Variants in NFKBIE observed in about 807,000 individuals in gnomAD.
NFKBIE encodes the protein NFKB inhibitor epsilon.
In NFKBIE, 11 loss-of-function variants were observed where a neutral mutation model predicts 31.6. That is an observed-to-expected ratio of 0.35 (90% confidence interval 0.22 to 0.58). The LOEUF is 0.58. NFKBIE is among the 20% of genes least tolerant of loss of function. The pLI is 0.83. For synonymous variants in NFKBIE, 208 were observed against 210.1 expected, an observed-to-expected ratio of 0.99 and a Z score of 0.09; for missense variants, 354 against 465.7, an observed-to-expected ratio of 0.76 and a Z score of 2.21.
At chr6:44,259,914 C>T in intron 5 of NFKBIE, 129 bp downstream of exon 5, 1 of 1,359,978 alleles carries the variant, frequency 7.4e-7, no homozygotes, top group African/African-American at 1.5e-5. Context: ...CAAGTTCCCA[C>T]AGTTGGTCAG....
Position 44,261,521 on chromosome 6 carries a change from C to T in NFKBIE, c.691+105G>A. The T allele has an allele frequency of 8.8e-7, 1 of 1,136,678 alleles. No individual in the cohort carries two copies. The highest frequency in any genetic ancestry group is 2.0e-4 in the Middle Eastern group (1 of 4,984). 70.4% of individuals were successfully genotyped at this position (1,136,678 alleles called of 1,614,324 possible). A position where few individuals can be genotyped will look rare whatever the true frequency, so the allele number is the denominator to read the frequency against. ...CTATGTGCTTACAGTGGGAGGGGCA[C>T]CAATGGACAAGCTGGGACCCTCCCT... On this transcript the variant is annotated intron_variant, in intron 3 of 5. Coordinates refer to ENST00000619360, the MANE Select transcript of NFKBIE (RefSeq NM_004556.3). This position sits in a 1 kb window ranked among gnomAD's most constrained non-coding sequence, Gnocchi z 4.3.
At chr6:44,264,022 G>C (rs933668145) in intron 1 of NFKBIE, among the ~76,000 whole-genome samples, 1 of 152,098 alleles carries the variant, frequency 6.6e-6, no homozygotes, top group Non-Finnish European at 1.5e-5. Context: ...GGGTCCACCA[G>C]CTGTCTTTAT....
chr6:44,261,930 G>A lies in NFKBIE; in HGVS notation c.469-82C>T. ...ACATGCTTGGGCTCAAGAATCACCA[G>A]CTGCCAGCATCTTCTTTGAAAGCAG... is the stretch of plus-strand genomic sequence containing the variant. On this transcript the variant is annotated intron_variant, in intron 2 of 5. Coordinates refer to ENST00000619360, the MANE Select transcript of NFKBIE (RefSeq NM_004556.3). The surrounding 1 kb of genome is among the most constrained non-coding windows in gnomAD (Gnocchi z 4.3). 1 of 1,281,556 alleles carries A rather than the reference G, an allele frequency of 7.8e-7. No homozygotes were observed. Among genetic ancestry groups the A allele is most frequent in the Non-Finnish European group, 1.1e-6 (1 of 919,762 alleles). 79.4% of individuals were successfully genotyped at this position (1,281,556 alleles called of 1,614,324 possible).
In NFKBIE at chr6:44,260,854, CAT is replaced by C. The variant is rs765903214; in HGVS notation, c.692-317_692-316del. Among the ~76,000 whole-genome samples, 1,252 of 60,714 alleles carry C rather than the reference CAT, an allele frequency of 0.021. 13 individuals are homozygous for C. Among genetic ancestry groups the C allele is most frequent in the South Asian group, 0.044 (69 of 1,572 alleles). The allele number at this position is 60,714 out of a possible 152,430, so 39.8% of individuals were successfully genotyped here. A position where few individuals can be genotyped will look rare whatever the true frequency, so the allele number is the denominator to read the frequency against. The stretch of plus-strand genomic sequence containing the variant: ...ACACACACACACACACACACACACA[CAT>C]ACAGACACACACACACACACACACA... On this transcript the variant is annotated intron_variant, in intron 3 of 5. Coordinates refer to ENST00000619360, the MANE Select transcript of NFKBIE (RefSeq NM_004556.3). The surrounding 1 kb of genome is among the most constrained non-coding windows in gnomAD (Gnocchi z 5.5).
Sources: allele counts gnomAD v4.1 joint callset (sites outside exome capture counted in the v4.1 genomes callset), GRCh38; gene constraint gnomAD v4.1.1; non-coding constraint Gnocchi (gnomAD v3.1); transcripts MANE v1.5; gene names NCBI Gene and HGNC (gene_info 2026-07-23, HGNC 2026-07-21).